The following RBM26 variants were observed in gnomAD, a reference collection of about 807,000 sequenced individuals.
RBM26 encodes the protein RNA-binding protein 26.
RBM26 carries 30 observed loss-of-function variants against 123.6 expected under a neutral mutation model. That is an observed-to-expected ratio of 0.24 (90% confidence interval 0.18 to 0.33). The LOEUF is 0.33. Among genes scored for constraint, RBM26 ranks in the 10% least tolerant of loss-of-function variants. The pLI is 1.00. For synonymous variants in RBM26, 400 were observed against 404.4 expected (o/e 0.99, Z 0.13); for missense variants, 947 against 1,203.6 (o/e 0.79, Z 3.15).
intron 1 of RBM26, among the ~76,000 whole-genome samples, chr13:79,390,708 A>C (rs1446838545): frequency 6.6e-6 from 1 of 152,232 alleles, no homozygotes; most frequent in Non-Finnish European, 1.5e-5. Flanking sequence ...TGACAAGCAC[A>C]CTAAAATGTT....
intron 3 of RBM26, among the ~76,000 whole-genome samples, chr13:79,373,347 TAAATAA>T (rs1425864528): frequency 2.9e-5 from 3 of 104,810 alleles, no homozygotes; most frequent in Non-Finnish European, 5.2e-5. Flanking sequence ...ATATTATATA[TAAATAA>T]AATATATAAA....
chr13:79,361,144 C>CAAT (rs1370800452), intron 9 of RBM26, among the ~76,000 whole-genome samples: 4 of 152,070 alleles, frequency 2.6e-5, no homozygotes, highest in Non-Finnish European at 4.4e-5. Flanking sequence ...CATATTAAGT[C>CAAT]TATCTTTTAT....
intron 13 of RBM26, 93 bp from the exon 14 acceptor site, chr13:79,353,317 G>C (rs1428241892): frequency 4.6e-6 from 3 of 649,818 alleles, no homozygotes; most frequent in Non-Finnish European, 7.7e-6. Context: ...AATATATACA[G>C]AGTCTATGAG....
At chr13:79,350,470 C>A (rs2073065278) in intron 14 of RBM26, among the ~76,000 whole-genome samples, 1 of 152,162 alleles carries the variant, frequency 6.6e-6, no homozygotes, top group Non-Finnish European at 1.5e-5. Flanking sequence ...GGCACTCAAA[C>A]ATAATTTATC....
intron 1 of RBM26, among the ~76,000 whole-genome samples, chr13:79,404,134 T>C (rs2079299924): frequency 6.6e-6 from 1 of 152,200 alleles, no homozygotes; most frequent in Admixed American, 6.5e-5. Flanking sequence ...CACACTTAGC[T>C]GTATCCCACA....
chr13:79,397,025 C>G (rs144733771), intron 1 of RBM26, among the ~76,000 whole-genome samples: 3 of 151,858 alleles, frequency 2.0e-5, no homozygotes, highest in African/African-American at 7.3e-5. Context: ...ACTAAAAATA[C>G]GAAAAATTAG....
intron 20 of RBM26, 35 bp from the exon 21 acceptor site, chr13:79,322,497 T>C (rs2067800721): frequency 7.1e-7 from 1 of 1,403,460 alleles, no homozygotes; most frequent in Non-Finnish European, 9.6e-7. Context: ...TATAAGACAT[T>C]AAAAATTTCT....
intron 3 of RBM26, 87 bp from the exon 4 acceptor site, chr13:79,372,017 A>C (rs1181541893): frequency 5.3e-6 from 5 of 942,128 alleles, no homozygotes; most frequent in Non-Finnish European, 8.1e-6. Context: ...ACAGTGGTTC[A>C]TGCCTGTAAT....
At chr13:79,332,056 T>A (rs888837049) in intron 20 of RBM26, among the ~76,000 whole-genome samples, 62 of 152,318 alleles carry the variant, frequency 4.1e-4, no homozygotes, top group African/African-American at 1.5e-3. Flanking sequence ...CTCAATTACC[T>A]TATTTATTCT....
intron 10 of RBM26, 72 bp downstream of exon 10, chr13:79,359,503 G>T: frequency 2.8e-6 from 2 of 717,936 alleles, no homozygotes; most frequent in Non-Finnish European, 4.7e-6. Flanking sequence ...AAACCATATT[G>T]TCATAATAAT....
chr13:79,336,230 TTC>T (rs879906074), intron 19 of RBM26, among the ~76,000 whole-genome samples: 1 of 152,168 alleles, frequency 6.6e-6, no homozygotes, highest in Non-Finnish European at 1.5e-5. Flanking sequence ...TCCTCTATTG[TTC>T]TTTTTTCCAT....
chr13:79,371,743 A>T, intron 4 of RBM26, 99 bp downstream of exon 4: 1 of 781,438 alleles, frequency 1.3e-6, no homozygotes, highest in Non-Finnish European at 2.2e-6. Context: ...AAAAGAGTAG[A>T]TATTACTTGC....
intron 4 of RBM26, 98 bp downstream of exon 4, chr13:79,371,744 T>A (rs895208964): frequency 3.8e-6 from 3 of 788,326 alleles, no homozygotes; most frequent in African/African-American, 3.5e-5. Context: ...AAAGAGTAGA[T>A]ATTACTTGCC....
At chr13:79,392,793 CAAA>C (rs58872719) in intron 1 of RBM26, among the ~76,000 whole-genome samples, 2 of 140,036 alleles carry the variant, frequency 1.4e-5, no homozygotes, top group Admixed American at 7.2e-5. Flanking sequence ...TTGAGAAGAC[CAAA>C]AAAAAAAAAA....
intron 3 of RBM26, among the ~76,000 whole-genome samples, chr13:79,375,096 T>TTATATGTCATATAAATATATATTTA (rs2076549132): frequency 2.1e-5 from 2 of 95,294 alleles, no homozygotes; most frequent in Non-Finnish European, 4.2e-5. Context: ...AAATATATAT[T>TTATATGTCATATAAATATATATTTA]TATATATATC....
chr13:79,376,564 A>C (rs984906279), intron 3 of RBM26: 11 of 152,180 alleles, frequency 7.2e-5, no homozygotes, highest in Admixed American at 6.5e-4. Context: ...CTAGTAACTA[A>C]GGGTGAAGAG....
chr13:79,339,327 C>T (rs936351947), intron 18 of RBM26, among the ~76,000 whole-genome samples: 8 of 151,970 alleles, frequency 5.3e-5, no homozygotes. Flanking sequence ...AGAGTAAGTT[C>T]TAGAGATCTA....
At chr13:79,338,569 G>A (rs760760847) in intron 18 of RBM26, among the ~76,000 whole-genome samples, 18 of 152,160 alleles carry the variant, frequency 1.2e-4, no homozygotes, top group Non-Finnish European at 2.5e-4. Flanking sequence ...CTGGAGAAAG[G>A]CAGAGTCAGA....
rs1311787346 is a variant in RBM26, at chr13:79,355,210, CCT to C, written c.1854+8_1854+9del. ...AAATGCGCGTACTTTTACACAAATT[CCT>C]CTCTTACCTTTGGAGAAGTAGTTTG... On this transcript the variant is annotated splice_region_variant and intron_variant, in intron 12 of 21. Transcript: ENST00000438737. 5 of 1,611,888 alleles carry C rather than the reference CCT, an allele frequency of 3.1e-6. No individual in the cohort carries two copies. In the African/African-American group the frequency reaches 5.3e-5, roughly 17 times the overall value.
Sources: gnomAD v4.1 joint callset for allele counts (sites outside exome capture counted in the v4.1 genomes callset) on GRCh38, gnomAD v4.1.1 for gene constraint, MANE v1.5 for transcripts, NCBI Gene and HGNC (gene_info 2026-07-23, HGNC 2026-07-21) for gene names.